Variants in HNRNPA2B1 observed in about 807,000 individuals in gnomAD.
The protein encoded by HNRNPA2B1 is heterogeneous nuclear ribonucleoprotein A2/B1, also known as heterogeneous nuclear ribonucleoproteins A2/B1.
Under a neutral mutation model 46.3 loss-of-function variants are expected in HNRNPA2B1, and 3 were observed. The ratio of observed to expected loss-of-function variants is 0.06; its 90% CI spans 0.03 to 0.17. The LOEUF is 0.17. Among genes scored for constraint, HNRNPA2B1 ranks in the 10% least tolerant of loss-of-function variants. HNRNPA2B1 has a pLI of 1.00. For missense variants in HNRNPA2B1, 221 were observed against 418.9 expected (o/e 0.53, Z 4.12); for synonymous variants, 225 against 133.8 (o/e 1.68, Z -4.70).
intron 1 of HNRNPA2B1, chr7:26,198,453 T>C (rs1407531851): frequency 1.3e-5 from 2 of 152,508 alleles, no homozygotes; most frequent in Admixed American, 1.3e-4. Context: ...TTGGTGGACA[T>C]GTCTATATTT....
chr7:26,194,402 CG>C (rs772231701), intron 7 of HNRNPA2B1, among the ~76,000 whole-genome samples: 25 of 151,118 alleles, frequency 1.7e-4, no homozygotes, highest in Non-Finnish European at 2.7e-4. Context: ...TCTCAAAAAA[CG>C]AAACAATGTT....
At chr7:26,193,719 A>T in intron 7 of HNRNPA2B1, 25 bp from the exon 8 acceptor site, 1 of 1,587,330 alleles carries the variant, frequency 6.3e-7, no homozygotes, top group East Asian at 2.2e-5. Context: ...GCCTTTAAGT[A>T]ATCACTTAAT....
At position 26,192,982 on chromosome 7, in the gene HNRNPA2B1, G is replaced by A. The variant is rs114142296; in HGVS notation, c.964+269C>T. On this transcript the variant is annotated intron_variant, in intron 9 of 10. Transcript: ENST00000618183. ...ATGTATACCACTTGCAATGTGGGTTGCAACTGTATTTAGCTGTTTATGAGT... is the reference window on the plus strand; with the variant it reads ...ATGTATACCACTTGCAATGTGGGTTACAACTGTATTTAGCTGTTTATGAGT... Among the ~76,000 whole-genome samples, 137 of 152,236 alleles carry A rather than the reference G, an allele frequency of 9.0e-4. 1 individual carries two copies. Among genetic ancestry groups the A allele is most frequent in the Non-Finnish European group, 1.5e-3 (100 of 68,010 alleles).
rs1284654415 is a variant in HNRNPA2B1 at position 26,190,693 on chromosome 7, A to G, written c.*1667T>C. The G allele has an allele frequency of 1.3e-5, 2 of 152,214 alleles. No homozygotes were observed. Among genetic ancestry groups the G allele is most frequent in the Non-Finnish European group, 2.9e-5 (2 of 68,024 alleles). 9.4% of individuals were successfully genotyped at this position (152,214 alleles called of 1,614,324 possible). A position where few individuals can be genotyped will look rare whatever the true frequency, so the allele number is the denominator to read the frequency against. ...TCTCTTCAGGGTAAGACACTGAACT[A>G]GAATTACCACATTTAACCCACCTAT... On this transcript the variant is annotated 3_prime_UTR_variant, in exon 11 of 11. Transcript: ENST00000618183.
intron 4 of HNRNPA2B1, 62 bp downstream of exon 4, chr7:26,196,745 G>A (rs553316026): frequency 2.6e-5 from 40 of 1,562,764 alleles, no homozygotes; most frequent in African/African-American, 8.2e-5. Flanking sequence ...AGTTACAGAT[G>A]TTAACATACA....
In HNRNPA2B1 at chr7:26,196,988, A is replaced by G. The variant is rs1783712103; in HGVS notation, c.294T>C (p.Thr98=). Residue 98 remains threonine (T), a synonymous_variant, in exon 4 of 11, where the codon ACT becomes ACC. Coordinates refer to ENST00000618183, the MANE Select transcript of HNRNPA2B1 (RefSeq NM_002137.4). Reference sequence around the variant, plus strand: ...TTCCGCCAACAAACAGCTTCTTCACAGTTACATGAGCCCCTGGTTTTCCAG... The same window carrying G: ...TTCCGCCAACAAACAGCTTCTTCACGGTTACATGAGCCCCTGGTTTTCCAG... ...EESGKPGAHV[T]VKKLFVGGIK... is the part of the protein sequence containing the mutation. 1 of 1,613,424 alleles carries G rather than the reference A, an allele frequency of 6.2e-7. No individual in the cohort carries two copies. Among genetic ancestry groups the G allele is most frequent in the Non-Finnish European group, 8.5e-7 (1 of 1,179,868 alleles).
chr7:26,195,806 A>G (rs752945852), intron 7 of HNRNPA2B1, 41 bp downstream of exon 7: 25 of 1,599,542 alleles, frequency 1.6e-5, no homozygotes, highest in Non-Finnish European at 2.1e-5. Context: ...ATAGTTAAGT[A>G]TTAGTCACAT....
chr7:26,197,994 T>G (rs1783842218), intron 1 of HNRNPA2B1: 1 of 514,892 alleles, frequency 1.9e-6, no homozygotes, highest in East Asian at 3.2e-5. Flanking sequence ...TTGATATAAA[T>G]TTACTCAACA....
rs533907485 is a variant in HNRNPA2B1, at chr7:26,193,634, C to A, written c.782G>T (p.Gly261Val). ...GGGRGGYGGG[G>V]PGYGNQGGGY... is the part of the protein sequence containing the mutation. ...CCCACCCTGGTTGCCATATCCAGGT[C>A]CTCCACCACCATATCCTCCTCTTCC... Residue 261 changes from glycine (G) to valine (V), a missense_variant, in exon 8 of 11, where the codon GGA (glycine) becomes GTA (valine). This residue lies in a region of HNRNPA2B1 where 143 missense variants were observed against 200.5 expected (regional missense o/e 0.71). Transcript: ENST00000618183. 1.2e-6 allele frequency: 2 copies of A among 1,612,026 alleles called. No homozygotes were observed. The highest frequency in any genetic ancestry group is 1.1e-5 in the South Asian group (1 of 90,782).
intron 6 of HNRNPA2B1, among the ~76,000 whole-genome samples, 169 bp downstream of exon 6, chr7:26,196,232 C>T (rs973605759): frequency 1.3e-5 from 2 of 152,180 alleles, no homozygotes; most frequent in African/African-American, 2.4e-5. Flanking sequence ...TAATACAACT[C>T]TATTAACTTC....
At position 26,196,967 on chromosome 7, in the gene HNRNPA2B1, G is replaced by A. The variant is rs766409233; in HGVS notation, c.315C>T (p.Gly105=). 5.0e-5 allele frequency: 80 copies of A among 1,613,320 alleles called. No individual in the cohort carries two copies. The Middle Eastern group carries it at 6.6e-4, about 13-fold the overall frequency. ...GTTCCTCAGTATCTTCTTTAATTCC[G>A]CCAACAAACAGCTTCTTCACAGTTA... The part of the protein sequence containing the change: ...AHVTVKKLFV[G]GIKEDTEEHH... The change falls in exon 4 of 11, where the codon GGC becomes GGT. Residue 105 remains glycine (G), a synonymous_variant. Transcript: ENST00000618183.
chr7:26,198,505 T>C (rs961250245), intron 1 of HNRNPA2B1: 5 of 152,238 alleles, frequency 3.3e-5, no homozygotes, highest in African/African-American at 1.2e-4. Flanking sequence ...AGCTTAACCA[T>C]ATGTACAATA....
In HNRNPA2B1 at chr7:26,193,347, C is replaced by T. The variant is rs985334692; in HGVS notation, c.868G>A (p.Asp290Asn). The change falls in exon 9 of 11, where the codon GAT becomes AAT. Residue 290 changes from aspartate to asparagine, a missense_variant. Physicochemically the swap from Asp to Asn is conservative, Grantham distance 23. Coordinates refer to ENST00000618183, the MANE Select transcript of HNRNPA2B1 (RefSeq NM_002137.4). Reference protein sequence around the residue: ...GGNYGSGNYNDFGNYNQQPSN... With the variant: ...GGNYGSGNYNNFGNYNQQPSN... ...GGTTGCTGGTTATAATTTCCAAAAT[C>T]ATTGTAATTTCCACTTCCATAATTT... is the stretch of plus-strand genomic sequence containing the variant. 6.2e-7 allele frequency: 1 copy of T among 1,611,742 alleles called. No homozygotes were observed.
At chr7:26,195,092 CAAAAAAA>C (rs11356411) in intron 7 of HNRNPA2B1, among the ~76,000 whole-genome samples, 5 of 51,938 alleles carry the variant, frequency 9.6e-5, no homozygotes, top group Non-Finnish European at 2.3e-4. Flanking sequence ...GGCTCCGTCT[CAAAAAAA>C]AAAAAAAAAA....
intron 1 of HNRNPA2B1, chr7:26,199,165 A>C (rs937752975): frequency 1.3e-5 from 2 of 152,646 alleles, no homozygotes; most frequent in African/African-American, 4.8e-5. Flanking sequence ...AATCACTAAC[A>C]AAAAGCAAAA....
At chr7:26,197,173 C>T in intron 3 of HNRNPA2B1, 142 bp downstream of exon 3, 3 of 1,199,320 alleles carry the variant, frequency 2.5e-6, no homozygotes, top group South Asian at 1.5e-5. Context: ...AATAAGCTAG[C>T]TTAAGAAAAT....
intron 1 of HNRNPA2B1, chr7:26,200,095 A>T (rs181215176): frequency 5.6e-6 from 1 of 179,946 alleles, no homozygotes; most frequent in Non-Finnish European, 1.2e-5. Flanking sequence ...AAAATAAAAG[A>T]GTTATAAGGA....
Position 26,191,087 on chromosome 7 carries a change from T to A in HNRNPA2B1, c.*1273A>T, listed in dbSNP as rs1029308593. The A allele has an allele frequency of 2.0e-5, 3 of 152,410 alleles. No individual in the cohort carries two copies. Among genetic ancestry groups the A allele is most frequent in the Non-Finnish European group, 2.9e-5 (2 of 67,982 alleles). The allele number at this position is 152,410 out of a possible 1,614,324, so 9.4% of individuals were successfully genotyped here. On this transcript the variant is annotated 3_prime_UTR_variant, in exon 11 of 11. Transcript: ENST00000618183. Reference sequence around the variant, plus strand: ...TGTTGAAATGAAGCACTTTACAGTCTTTGTGGCAGCAGAATATACTTGTCC... The same window carrying A: ...TGTTGAAATGAAGCACTTTACAGTCATTGTGGCAGCAGAATATACTTGTCC...
At chr7:26,196,693 ATC>A (rs1783679730) in intron 4 of HNRNPA2B1, 35 bp from the exon 5 acceptor site, 2 of 1,585,008 alleles carry the variant, frequency 1.3e-6, no homozygotes, top group Non-Finnish European at 1.7e-6. Context: ...TTTAAATTAA[ATC>A]AACAATATTA....
Sources: allele counts gnomAD v4.1 joint callset (sites outside exome capture counted in the v4.1 genomes callset), GRCh38; gene constraint gnomAD v4.1.1; regional missense constraint gnomAD v4.1.1; transcripts MANE v1.5; gene names NCBI Gene and HGNC (gene_info 2026-07-23, HGNC 2026-07-21).